Variants in GNG7 observed in about 807,000 individuals in gnomAD.
GNG7 encodes G protein subunit gamma 7.
In GNG7, 1 loss-of-function variant was observed where a neutral mutation model predicts 4.0. That is an observed-to-expected ratio of 0.25 (90% CI 0.09 to 1.18). The LOEUF (loss-of-function observed/expected upper bound fraction) is 1.18, where lower values mean the gene tolerates loss of function less well. GNG7 is among the 50% of genes most tolerant of loss of function. The probability of loss-of-function intolerance (pLI) is 0.50; values close to 1 mark genes in which losing one functional copy is unlikely to be tolerated. For synonymous variants in GNG7, 34 were observed against 36.9 expected (o/e 0.92, Z 0.29); for missense variants, 86 against 91.9 (o/e 0.94, Z 0.26).
In GNG7 at chr19:2,546,922, A is replaced by T. The variant is rs1979146907; in HGVS notation, c.-38+8227T>A. 6.6e-6 allele frequency among the ~76,000 whole-genome samples: 1 copy of T among 152,008 alleles called. No homozygotes were observed. Among genetic ancestry groups the T allele is most frequent in the South Asian group, 2.1e-4 (1 of 4,814 alleles). On this transcript the variant is annotated intron_variant, in intron 3 of 4. Coordinates refer to ENST00000382159, the MANE Select transcript of GNG7 (RefSeq NM_052847.3). The surrounding 1 kb of genome is among the most constrained non-coding windows in gnomAD (Gnocchi z 6.3). ...AGTTCTGGGCTTCCCGGCTGAGGAAATGCTGTCACCCTGGCCCCGGGCCAG... is the reference window on the plus strand; with the variant it reads ...AGTTCTGGGCTTCCCGGCTGAGGAATTGCTGTCACCCTGGCCCCGGGCCAG...
At chr19:2,566,982 G>A (rs1979930507) in intron 2 of GNG7, among the ~76,000 whole-genome samples, 1 of 152,008 alleles carries the variant, frequency 6.6e-6, no homozygotes, top group Non-Finnish European at 1.5e-5. Context: ...GCGGGCGTCT[G>A]TAATCCCAGC....
chr19:2,666,967 A>C (rs1983326006), intron 1 of GNG7, among the ~76,000 whole-genome samples: 1 of 152,168 alleles, frequency 6.6e-6, no homozygotes, highest in Non-Finnish European at 1.5e-5. Flanking sequence ...GTCAAAAAAG[A>C]TTCACCTCCG....
chr19:2,532,669 G>C (rs1324246665), intron 3 of GNG7, among the ~76,000 whole-genome samples: 3 of 152,182 alleles, frequency 2.0e-5, no homozygotes, highest in Admixed American at 2.0e-4. Flanking sequence ...AAGTGGCAGA[G>C]AAATGGCCAA....
chr19:2,590,004 GT>G (rs1218493071), intron 2 of GNG7, among the ~76,000 whole-genome samples: 1 of 152,124 alleles, frequency 6.6e-6, no homozygotes, highest in Non-Finnish European at 1.5e-5. Context: ...TAGAGACAGG[GT>G]TTCACCCTGT....
chr19:2,511,869 AG>A lies in GNG7; in HGVS notation c.*3152del. On this transcript the variant is annotated 3_prime_UTR_variant, in exon 5 of 5. Transcript: ENST00000382159. This position sits in a 1 kb window ranked among gnomAD's most constrained non-coding sequence, Gnocchi z 6.3. ...CCCTGGGGAGGGTGGGAGAGGGGTG[AG>A]GGTTCTGGCTCCTTCCTGGAGAGAG... 1 of 986,134 alleles carries A rather than the reference AG, an allele frequency of 1.0e-6. No homozygotes were observed. Among genetic ancestry groups the A allele is most frequent in the Non-Finnish European group, 1.2e-6 (1 of 830,206 alleles). 61.1% of individuals were successfully genotyped at this position (986,134 alleles called of 1,614,324 possible).
intron 1 of GNG7, among the ~76,000 whole-genome samples, chr19:2,670,967 G>A (rs543395293): frequency 6.6e-6 from 1 of 152,256 alleles, no homozygotes; most frequent in Non-Finnish European, 1.5e-5. Flanking sequence ...GGGAGAGAGG[G>A]GGTGAATCCC....
intron 4 of GNG7, among the ~76,000 whole-genome samples, chr19:2,518,113 T>G (rs746863899): frequency 6.6e-6 from 1 of 152,278 alleles, no homozygotes; most frequent in East Asian, 1.9e-4. Flanking sequence ...CCACCCCCCA[T>G]GCCCACTGCG....
chr19:2,682,715 C>A (rs188341156), intron 1 of GNG7, among the ~76,000 whole-genome samples: 5 of 151,428 alleles, frequency 3.3e-5, no homozygotes, highest in Non-Finnish European at 5.9e-5. Flanking sequence ...CATCCCTGCC[C>A]CTGCTCCCAC....
intron 1 of GNG7, among the ~76,000 whole-genome samples, chr19:2,697,810 A>G (rs1913306491): frequency 6.6e-6 from 1 of 150,962 alleles, no homozygotes; most frequent in Non-Finnish European, 1.5e-5. Context: ...CGTCTCTACT[A>G]AAAATACAAA....
At position 2,545,980 on chromosome 19, in the gene GNG7, C is replaced by CAAAACA. The variant is rs150879449; in HGVS notation, c.-38+9168_-38+9169insTGTTTT. Among the ~76,000 whole-genome samples the CAAAACA allele has an allele frequency of 1.1e-4, 17 of 149,186 alleles. No homozygotes were observed. The South Asian group carries it at 2.7e-3, about 24-fold the overall frequency. On this transcript the variant is annotated intron_variant, in intron 3 of 4. Transcript: ENST00000382159. ...AAAAACAAAACAAAACAAAACAAAA[C>CAAAACA]AAACAAACGAAAAAGAAAGGTGCAC...
intron 2 of GNG7, among the ~76,000 whole-genome samples, chr19:2,577,628 G>A (rs1980379723): frequency 6.6e-6 from 1 of 150,530 alleles, no homozygotes; most frequent in Admixed American, 6.6e-5. Flanking sequence ...TTTAAGCCAG[G>A]AGGCGGAGGT....
intron 2 of GNG7, among the ~76,000 whole-genome samples, chr19:2,590,747 A>C (rs147244016): frequency 0.011 from 1,684 of 151,242 alleles, 40 homozygotes; most frequent in African/African-American, 0.039. Context: ...CCACCCACCC[A>C]TCCACCCACC....
At chr19:2,553,202 G>A (rs1052048364) in intron 3 of GNG7, among the ~76,000 whole-genome samples, 3 of 150,490 alleles carry the variant, frequency 2.0e-5, no homozygotes, top group African/African-American at 7.3e-5. Flanking sequence ...ACTACCAACT[G>A]TATGGAAATA....
In GNG7 at chr19:2,557,308, C is replaced by T. The variant is rs954739674; in HGVS notation, c.-77-2120G>A. On this transcript the variant is annotated intron_variant, in intron 2 of 4. Transcript: ENST00000382159. This position sits in a 1 kb window ranked among gnomAD's most constrained non-coding sequence, Gnocchi z 5.1. ...GTGCACACACAGAGGTGCACATACA[C>T]GCACAGACACACATGTGCACACAGA... Among the ~76,000 whole-genome samples the T allele has an allele frequency of 2.4e-5, 3 of 123,962 alleles. No homozygotes were observed. Among genetic ancestry groups the T allele is most frequent in the African/African-American group, 9.8e-5 (3 of 30,674 alleles). The allele number at this position is 123,962 out of a possible 152,430, so 81.3% of individuals were successfully genotyped here. A position where few individuals can be genotyped will look rare whatever the true frequency, so the allele number is the denominator to read the frequency against.
intron 4 of GNG7, among the ~76,000 whole-genome samples, chr19:2,516,139 C>G (rs541511528): frequency 1.1e-3 from 166 of 151,964 alleles, no homozygotes; most frequent in Middle Eastern, 3.4e-3. Flanking sequence ...ATTGCTTGAG[C>G]CTGGGAGGTT....
At chr19:2,601,546 A>G (rs1455375996) in intron 2 of GNG7, among the ~76,000 whole-genome samples, 1 of 152,138 alleles carries the variant, frequency 6.6e-6, no homozygotes, top group Non-Finnish European at 1.5e-5. Flanking sequence ...TGGCAGCAGG[A>G]AAAGAGAGGT....
chr19:2,646,534 A>T (rs751684700), intron 1 of GNG7, among the ~76,000 whole-genome samples: 1 of 152,112 alleles, frequency 6.6e-6, no homozygotes, highest in Non-Finnish European at 1.5e-5. Context: ...AAAAATATAA[A>T]AATTAGCCAA....
chr19:2,647,024 G>A (rs959612164), intron 1 of GNG7, among the ~76,000 whole-genome samples: 5 of 152,176 alleles, frequency 3.3e-5, no homozygotes, highest in Non-Finnish European at 5.9e-5. Flanking sequence ...CAGCTGGTAC[G>A]GGCAGTCTCT....
At chr19:2,576,010 C>T (rs563697826) in intron 2 of GNG7, among the ~76,000 whole-genome samples, 6 of 93,058 alleles carry the variant, frequency 6.4e-5, no homozygotes, top group Non-Finnish European at 1.1e-4. Context: ...CTCAGGTACA[C>T]GCAGACATGC....
Sources: allele counts gnomAD v4.1 joint callset (sites outside exome capture counted in the v4.1 genomes callset), GRCh38; gene constraint gnomAD v4.1.1; non-coding constraint Gnocchi (gnomAD v3.1); transcripts MANE v1.5; gene names NCBI Gene and HGNC (gene_info 2026-07-23, HGNC 2026-07-21).